Variants in CACNA1D observed in about 807,000 individuals in gnomAD.
CACNA1D encodes the protein voltage-dependent L-type calcium channel subunit alpha-1D.
A neutral mutation model predicts 257.1 loss-of-function variants in CACNA1D; 55 were observed. The observed-to-expected ratio is 0.21, with a 90% CI of 0.17 to 0.27. The LOEUF is 0.27. CACNA1D is among the 10% of genes least tolerant of loss of function. The probability of loss-of-function intolerance (pLI) is 1.00; values close to 1 mark genes in which losing one functional copy is unlikely to be tolerated. For synonymous variants in CACNA1D, 980 were observed against 1,014.9 expected (o/e 0.97, Z 0.65); for missense variants, 1,876 against 2,784.0 (o/e 0.67, Z 7.34).
At chr3:53,794,124 A>C (rs2095497061) in intron 40 of CACNA1D, among the ~76,000 whole-genome samples, 1 of 152,210 alleles carries the variant, frequency 6.6e-6, no homozygotes, top group Non-Finnish European at 1.5e-5. Flanking sequence ...TTCCTTTGAG[A>C]ATAATAATTA....
Position 53,770,474 on chromosome 3 carries a change from A to G in CACNA1D, c.3966A>G (p.Arg1322=). ...RISITFFRLF[R]VMRLVKLLSR... ...CCATCACCTTTTTCCGTCTTTTCCGAGTGATGCGATTGGTGAAGCTTCTCA... is the reference window on the plus strand; with the variant it reads ...CCATCACCTTTTTCCGTCTTTTCCGGGTGATGCGATTGGTGAAGCTTCTCA... Residue 1322 remains arginine, a synonymous_variant, in exon 32 of 48, where the codon CGA becomes CGG. Coordinates refer to ENST00000350061, the MANE Select transcript of CACNA1D (RefSeq NM_001128840.3). The G allele has an allele frequency of 6.2e-7, 1 of 1,613,552 alleles. No individual in the cohort carries two copies. The highest frequency in any genetic ancestry group is 8.5e-7 in the Non-Finnish European group (1 of 1,179,530).
chr3:53,672,618 C>T (rs1461201047), intron 7 of CACNA1D, among the ~76,000 whole-genome samples: 3 of 152,164 alleles, frequency 2.0e-5, no homozygotes, highest in Admixed American at 1.3e-4. Context: ...TCTAGCTAAG[C>T]AGGAGTTTTG....
intron 3 of CACNA1D, among the ~76,000 whole-genome samples, chr3:53,550,400 G>A (rs569229631): frequency 2.0e-5 from 3 of 152,226 alleles, no homozygotes; most frequent in Admixed American, 6.5e-5. Context: ...GCACCATCTC[G>A]CAGCTTCTAG....
At chr3:53,667,524 C>G (rs370401022) in intron 7 of CACNA1D, among the ~76,000 whole-genome samples, 26 of 152,170 alleles carry the variant, frequency 1.7e-4, no homozygotes, top group African/African-American at 6.0e-4. Context: ...AGACAGAAGG[C>G]CTGTAAATTG....
At chr3:53,729,648 A>G (rs1165446648) in intron 15 of CACNA1D, among the ~76,000 whole-genome samples, 3 of 152,238 alleles carry the variant, frequency 2.0e-5, no homozygotes, top group Non-Finnish European at 2.9e-5. Flanking sequence ...TGTATACAAC[A>G]TTAGAGTAAG....
At chr3:53,805,326 G>A (rs1302589290) in intron 45 of CACNA1D, 180 bp downstream of exon 45, 5 of 637,494 alleles carry the variant, frequency 7.8e-6, no homozygotes, top group Admixed American at 4.9e-5. Flanking sequence ...CATATCTCAC[G>A]TGATAGAGCT....
intron 3 of CACNA1D, among the ~76,000 whole-genome samples, chr3:53,522,316 G>A (rs1420260947): frequency 1.3e-5 from 2 of 152,132 alleles, no homozygotes; most frequent in Non-Finnish European, 2.9e-5. Flanking sequence ...TCTTCTGTGG[G>A]TCCCTCATCT....
chr3:53,547,072 G>A (rs1374307682), intron 3 of CACNA1D, among the ~76,000 whole-genome samples: 2 of 152,136 alleles, frequency 1.3e-5, no homozygotes, highest in Admixed American at 6.5e-5. Context: ...TAGAAAAGAG[G>A]GAAATGGAGG....
chr3:53,730,566 T>C lies in CACNA1D; in HGVS notation c.2336+10T>C. ...GGAAAAAGATTGCCAGGTAACCCTATTTTCCCCTGACGTGTTTGTCCAGGG... is the reference window on the plus strand; with the variant it reads ...GGAAAAAGATTGCCAGGTAACCCTACTTTCCCCTGACGTGTTTGTCCAGGG... On this transcript the variant is annotated intron_variant, in intron 16 of 47. Transcript: ENST00000350061. The C allele has an allele frequency of 6.3e-7, 1 of 1,591,432 alleles. No homozygotes were observed. The highest frequency in any genetic ancestry group is 8.6e-7 in the Non-Finnish European group (1 of 1,159,624).
At chr3:53,606,697 C>A (rs1452646688) in intron 3 of CACNA1D, among the ~76,000 whole-genome samples, 2 of 152,142 alleles carry the variant, frequency 1.3e-5, no homozygotes, top group African/African-American at 2.4e-5. Context: ...AAAACATATG[C>A]CTTTAAGTAT....
intron 39 of CACNA1D, chr3:53,786,493 A>C (rs1268374457): frequency 6.4e-6 from 2 of 312,266 alleles, no homozygotes; most frequent in Non-Finnish European, 1.2e-5. Context: ...TTGTTTTGTA[A>C]TTTTTATTTT....
intron 25 of CACNA1D, 39 bp from the exon 26 acceptor site, chr3:53,747,263 G>A (rs370052981): frequency 6.2e-7 from 1 of 1,600,372 alleles, no homozygotes; most frequent in East Asian, 2.2e-5. Context: ...CACCTGTCAT[G>A]TGTGAAGCCA....
At chr3:53,687,928 A>G (rs907810372) in intron 8 of CACNA1D, among the ~76,000 whole-genome samples, 2 of 152,264 alleles carry the variant, frequency 1.3e-5, no homozygotes, top group Non-Finnish European at 2.9e-5. Context: ...CAAAAAGACT[A>G]TTTCCAAGTG....
intron 40 of CACNA1D, chr3:53,796,434 A>T: frequency 2.2e-6 from 1 of 455,620 alleles, no homozygotes; most frequent in Non-Finnish European, 4.4e-6. Context: ...GCACTTGTGC[A>T]TGCTTGCTGT....
intron 4 of CACNA1D, among the ~76,000 whole-genome samples, chr3:53,655,645 T>G (rs2094141006): frequency 6.6e-6 from 1 of 152,240 alleles, no homozygotes; most frequent in African/African-American, 2.4e-5. Context: ...TTTGCTGACT[T>G]TTTAATGGGA....
At chr3:53,520,062 A>G (rs2091490662) in intron 3 of CACNA1D, among the ~76,000 whole-genome samples, 1 of 152,182 alleles carries the variant, frequency 6.6e-6, no homozygotes, top group South Asian at 2.1e-4. Context: ...TGAACATTTG[A>G]GTGTTTTCCC....
chr3:53,771,002 A>G (rs1007065870), intron 32 of CACNA1D, among the ~76,000 whole-genome samples: 1 of 152,222 alleles, frequency 6.6e-6, no homozygotes, highest in Non-Finnish European at 1.5e-5. Context: ...CCAGTGCACT[A>G]TCACTGGGTT....
At chr3:53,500,938 A>G (rs148066041) in intron 2 of CACNA1D, among the ~76,000 whole-genome samples, 2 of 152,234 alleles carry the variant, frequency 1.3e-5, no homozygotes, top group Non-Finnish European at 2.9e-5. Context: ...CAGTAACAGC[A>G]TATTATAAAC....
intron 3 of CACNA1D, among the ~76,000 whole-genome samples, chr3:53,572,571 T>C (rs807187): frequency 0.94 from 143,553 of 151,994 alleles, 67,866 homozygotes; most frequent in East Asian, 0.97. Flanking sequence ...AGCTAATTTT[T>C]GTATTTTTTA....
Sources: gnomAD v4.1 joint callset for allele counts (sites outside exome capture counted in the v4.1 genomes callset) on GRCh38, gnomAD v4.1.1 for gene constraint, MANE v1.5 for transcripts, NCBI Gene and HGNC (gene_info 2026-07-23, HGNC 2026-07-21) for gene names.